The following TAFA2 variants were observed in gnomAD, a reference collection of about 807,000 sequenced individuals.
TAFA2 encodes chemokine-like protein TAFA-2.
TAFA2 carries 7 observed loss-of-function variants against 18.8 expected under a neutral mutation model. The ratio of observed to expected loss-of-function variants is 0.37; its 90% CI spans 0.21 to 0.70. The LOEUF (loss-of-function observed/expected upper bound fraction) is 0.70, where lower values mean the gene tolerates loss of function less well. TAFA2 is among the 30% of genes least tolerant of loss of function. The pLI is 0.53. For missense variants in TAFA2, 122 were observed against 158.1 expected (o/e 0.77, Z 1.23); for synonymous variants, 60 against 54.2 (o/e 1.11, Z -0.47).
intron 1 of TAFA2, among the ~76,000 whole-genome samples, chr12:62,165,345 CA>C (rs1454823099): frequency 1.3e-5 from 2 of 152,056 alleles, no homozygotes; most frequent in Admixed American, 1.3e-4. Context: ...CTCATGTACT[CA>C]AGGCATGGAA....
chr12:61,910,546 G>T (rs1196433364), intron 1 of TAFA2, among the ~76,000 whole-genome samples: 1 of 152,086 alleles, frequency 6.6e-6, no homozygotes, highest in African/African-American at 2.4e-5. Flanking sequence ...AGCACCTACT[G>T]GTCAGGGCTG....
chr12:62,208,301 T>C (rs2062700342), intron 1 of TAFA2, among the ~76,000 whole-genome samples: 1 of 151,954 alleles, frequency 6.6e-6, no homozygotes. Flanking sequence ...TAAAAGATAG[T>C]GGCCTAAGAC....
At chr12:62,208,350 T>C (rs2062700507) in intron 1 of TAFA2, among the ~76,000 whole-genome samples, 1 of 152,194 alleles carries the variant, frequency 6.6e-6, no homozygotes. Flanking sequence ...TGTTTCTTAA[T>C]TGAACTTAAC....
At chr12:62,126,026 G>C (rs964545261) in intron 1 of TAFA2, among the ~76,000 whole-genome samples, 5 of 152,054 alleles carry the variant, frequency 3.3e-5, no homozygotes, top group Non-Finnish European at 5.9e-5. Flanking sequence ...AAACCAGCTG[G>C]TTGTCTGTGG....
intron 1 of TAFA2, among the ~76,000 whole-genome samples, chr12:62,100,740 T>C (rs1450307605): frequency 6.6e-6 from 1 of 152,212 alleles, no homozygotes; most frequent in South Asian, 2.1e-4. Context: ...CAAACAGTTC[T>C]GCCCATTGTG....
intron 1 of TAFA2, among the ~76,000 whole-genome samples, chr12:62,181,155 G>C (rs1457171179): frequency 6.6e-6 from 1 of 151,982 alleles, no homozygotes; most frequent in Non-Finnish European, 1.5e-5. Context: ...CCCGCCCCCT[G>C]AGTCTCTCTC....
intron 1 of TAFA2, among the ~76,000 whole-genome samples, chr12:62,068,105 A>AC (rs1882538521): frequency 6.6e-6 from 1 of 152,054 alleles, no homozygotes; most frequent in Non-Finnish European, 1.5e-5. Context: ...CCAAAAAAAA[A>AC]ATTAAATAAA....
At chr12:62,145,623 C>T (rs1053371847) in intron 1 of TAFA2, 1 of 152,254 alleles carries the variant, frequency 6.6e-6, no homozygotes, top group African/African-American at 2.4e-5. Flanking sequence ...ACATTCTCCT[C>T]CCTGTTCGGA....
intron 2 of TAFA2, among the ~76,000 whole-genome samples, chr12:61,782,414 T>G (rs1476327416): frequency 6.6e-6 from 1 of 151,768 alleles, no homozygotes; most frequent in East Asian, 1.9e-4. Flanking sequence ...TTTCAACCAA[T>G]TCCAATCAGA....
chr12:62,256,564 TCA>T (rs1401890435), intron 1 of TAFA2, among the ~76,000 whole-genome samples: 1 of 152,200 alleles, frequency 6.6e-6, no homozygotes, highest in East Asian at 1.9e-4. Context: ...AAACGAATGG[TCA>T]CAGAGAATAA....
intron 1 of TAFA2, among the ~76,000 whole-genome samples, chr12:62,245,608 TATAA>T (rs2062881229): frequency 6.8e-6 from 1 of 148,072 alleles, no homozygotes; most frequent in Admixed American, 6.8e-5. Context: ...ATGTAATACA[TATAA>T]ATATATATTA....
intron 1 of TAFA2, among the ~76,000 whole-genome samples, chr12:62,048,961 G>T (rs1216353880): frequency 6.6e-6 from 1 of 152,208 alleles, no homozygotes; most frequent in East Asian, 1.9e-4. Flanking sequence ...CTAAGAGGCA[G>T]ACTACCCATG....
intron 1 of TAFA2, among the ~76,000 whole-genome samples, chr12:62,156,898 A>G (rs2062373171): frequency 6.6e-6 from 1 of 152,176 alleles, no homozygotes; most frequent in African/African-American, 2.4e-5. Flanking sequence ...AAAAAATTTA[A>G]AAACTATATG....
intron 1 of TAFA2, among the ~76,000 whole-genome samples, chr12:62,104,336 C>T (rs1035162662): frequency 2.6e-5 from 4 of 151,560 alleles, no homozygotes; most frequent in African/African-American, 4.8e-5. Flanking sequence ...GATTAACCCT[C>T]AGCGATTTTA....
At chr12:61,760,436 C>T (rs914195339) in intron 2 of TAFA2, among the ~76,000 whole-genome samples, 36 of 143,788 alleles carry the variant, frequency 2.5e-4, no homozygotes, top group African/African-American at 9.0e-4. Context: ...GGAAATTAGC[C>T]TAGCAGGATT....
At chr12:62,237,280 G>A (rs554993842) in intron 1 of TAFA2, among the ~76,000 whole-genome samples, 173 of 152,288 alleles carry the variant, frequency 1.1e-3, no homozygotes, top group Admixed American at 2.2e-3. Flanking sequence ...GGCCGAGGCG[G>A]GCAGATCATG....
intron 1 of TAFA2, among the ~76,000 whole-genome samples, chr12:62,068,294 T>C (rs348649): frequency 0.66 from 100,602 of 151,846 alleles, 33,529 homozygotes; most frequent in Admixed American, 0.69. Flanking sequence ...TACAAATACC[T>C]CCACATAAGG....
chr12:61,880,026 T>G (rs909848740), intron 1 of TAFA2: 1 of 729,552 alleles, frequency 1.4e-6, no homozygotes, highest in Middle Eastern at 3.7e-4. Flanking sequence ...ATCTGGGAGC[T>G]GCAGTCCCTG....
rs1379955826 is a variant in TAFA2 at position 61,955,664 on chromosome 12, TA to T, written c.-1-88239del. 1.4e-3 allele frequency among the ~76,000 whole-genome samples: 155 copies of T among 112,550 alleles called. 5 individuals carry two copies. Among genetic ancestry groups the T allele is most frequent in the African/African-American group, 4.9e-3 (144 of 29,674 alleles). The allele number at this position is 112,550 out of a possible 152,430, so 73.8% of individuals were successfully genotyped here. On this transcript the variant is annotated intron_variant, in intron 1 of 4. Transcript: ENST00000416284. ...ATATATATATATATATATATATATATATATATTTAATTTTAAAAATTAAATC... is the reference window on the plus strand; with the variant it reads ...ATATATATATATATATATATATATATTATATTTAATTTTAAAAATTAAATC...
Sources: allele counts gnomAD v4.1 joint callset (sites outside exome capture counted in the v4.1 genomes callset), GRCh38; gene constraint gnomAD v4.1.1; transcripts MANE v1.5; gene names NCBI Gene and HGNC (gene_info 2026-07-23, HGNC 2026-07-21).